The following NEBL variants were observed in gnomAD, a reference collection of about 807,000 sequenced individuals.
NEBL encodes LIM and SH3 protein 2.
In NEBL, 122 loss-of-function variants were observed where a neutral mutation model predicts 140.2. That is an observed-to-expected ratio of 0.87 (90% CI 0.75 to 1.01). The LOEUF is 1.01. NEBL is among the 50% of genes least tolerant of loss of function. NEBL has a pLI of 0.00. For missense variants in NEBL, 1,365 were observed against 1,231.3 expected (o/e 1.11, Z -1.62); for synonymous variants, 436 against 398.9 (o/e 1.09, Z -1.11).
chr10:21,225,067 C>A (rs1842125561), intron 3 of NEBL, among the ~76,000 whole-genome samples: 1 of 152,160 alleles, frequency 6.6e-6, no homozygotes, highest in South Asian at 2.1e-4. Context: ...AATGGGAATC[C>A]TTGTCATGTT....
At chr10:21,044,172 G>A (rs1245636892) in intron 2 of NEBL, among the ~76,000 whole-genome samples, 2 of 152,024 alleles carry the variant, frequency 1.3e-5, no homozygotes, top group Non-Finnish European at 1.5e-5. Flanking sequence ...CAAGGCGGGC[G>A]GATCACCTGA....
chr10:20,826,985 G>T (rs1322190795), intron 17 of NEBL, among the ~76,000 whole-genome samples: 1 of 152,144 alleles, frequency 6.6e-6, no homozygotes, highest in Non-Finnish European at 1.5e-5. Context: ...TCTCTTCCAA[G>T]AAAATGTTAG....
intron 2 of NEBL, among the ~76,000 whole-genome samples, chr10:21,250,649 G>A (rs746159873): frequency 2.8e-4 from 42 of 151,730 alleles, no homozygotes; most frequent in Admixed American, 7.2e-4. Flanking sequence ...GGTGGTTCAC[G>A]CCTGTAATCC....
intron 20 of NEBL, among the ~76,000 whole-genome samples, chr10:20,817,957 G>C (rs561973225): frequency 6.6e-6 from 1 of 152,228 alleles, no homozygotes; most frequent in Admixed American, 6.5e-5. Context: ...ACAAATAAAA[G>C]TAATGGAATC....
intron 1 of NEBL, among the ~76,000 whole-genome samples, chr10:21,256,125 T>A (rs1198573029): frequency 1.3e-5 from 2 of 152,178 alleles, no homozygotes; most frequent in African/African-American, 4.8e-5. Context: ...TGCAGTGCAG[T>A]GTCACAATCT....
At chr10:21,062,482 G>C (rs1201497350) in intron 2 of NEBL, among the ~76,000 whole-genome samples, 1 of 151,706 alleles carries the variant, frequency 6.6e-6, no homozygotes, top group African/African-American at 2.4e-5. Context: ...GCAACATAGA[G>C]AAACCCTGTC....
At chr10:21,081,130 C>T (rs1836350461) in intron 2 of NEBL, among the ~76,000 whole-genome samples, 1 of 152,220 alleles carries the variant, frequency 6.6e-6, no homozygotes, top group Non-Finnish European at 1.5e-5. Context: ...GCTGGGAATA[C>T]AGGCATGAGC....
At chr10:20,969,083 G>A (rs1362905132) in intron 3 of NEBL, among the ~76,000 whole-genome samples, 3 of 152,050 alleles carry the variant, frequency 2.0e-5, no homozygotes, top group East Asian at 1.9e-4. Flanking sequence ...AGTTTTGTAC[G>A]TTTAAGGTCT....
At chr10:20,856,431 A>G (rs1266114055) in intron 9 of NEBL, among the ~76,000 whole-genome samples, 1 of 152,192 alleles carries the variant, frequency 6.6e-6, no homozygotes, top group Non-Finnish European at 1.5e-5. Flanking sequence ...ATGAATCCCC[A>G]TGTCCCTAGG....
chr10:21,262,228 G>A (rs1223979811), intron 1 of NEBL, among the ~76,000 whole-genome samples: 2 of 152,296 alleles, frequency 1.3e-5, no homozygotes, highest in East Asian at 1.9e-4. Context: ...AATGAAGGAC[G>A]CTGGCCTGAG....
At chr10:21,189,620 G>A (rs142935562) in intron 3 of NEBL, among the ~76,000 whole-genome samples, 2,259 of 151,584 alleles carry the variant, frequency 0.015, 58 homozygotes, top group African/African-American at 0.052. Flanking sequence ...GCCCGCCACC[G>A]CGCCCAGCTA....
intron 3 of NEBL, among the ~76,000 whole-genome samples, chr10:21,009,478 T>C (rs1204698668): frequency 2.6e-5 from 4 of 152,200 alleles, no homozygotes; most frequent in African/African-American, 9.6e-5. Context: ...CAAATTTGTG[T>C]TGCCTTAATT....
chr10:21,255,134 C>T (rs1842639680), intron 1 of NEBL, among the ~76,000 whole-genome samples: 1 of 152,178 alleles, frequency 6.6e-6, no homozygotes, highest in Non-Finnish European at 1.5e-5. Flanking sequence ...GGAGCTTCAT[C>T]CACACCAGTC....
At chr10:20,983,133 C>T (rs1351911716) in intron 3 of NEBL, among the ~76,000 whole-genome samples, 1 of 152,108 alleles carries the variant, frequency 6.6e-6, no homozygotes, top group African/African-American at 2.4e-5. Flanking sequence ...CATGGTGAGA[C>T]CTTAGCAGCT....
chr10:21,229,028 T>C lies in NEBL; in HGVS notation n.348+18893A>G, dbSNP rs534815739. 1.5e-4 allele frequency among the ~76,000 whole-genome samples: 23 copies of C among 151,772 alleles called. 1 individual carries two copies. Among genetic ancestry groups the C allele is most frequent in the Admixed American group, 3.9e-4 (6 of 15,258 alleles). ...AGCTCCCACCAACCCATAGTGGACA[T>C]AGAGTGTAAGTGGGAAAAAAAAAAA... On this transcript the variant is annotated intron_variant and non_coding_transcript_variant, in intron 3 of 8. Coordinates refer to the NEBL transcript ENST00000675702.
intron 2 of NEBL, among the ~76,000 whole-genome samples, chr10:21,039,792 C>G (rs886320865): frequency 6.6e-6 from 1 of 152,142 alleles, no homozygotes; most frequent in African/African-American, 2.4e-5. Context: ...CTAATATATT[C>G]CTTTTTTCTT....
At chr10:21,185,648 C>G (rs1027948403) in intron 3 of NEBL, among the ~76,000 whole-genome samples, 10 of 151,752 alleles carry the variant, frequency 6.6e-5, no homozygotes, top group African/African-American at 2.4e-4. Context: ...ACAGGCATGC[C>G]ACCACACCTG....
rs575857893 is a variant in NEBL, at chr10:20,795,273, C to T, written c.2762-7965G>A. ...GTAAAGAAAAATGAGTTTAAATGCA[C>T]AGGATATGTGCCAGCCAGGCTTGTT... is the stretch of plus-strand genomic sequence containing the variant. On this transcript the variant is annotated intron_variant, in intron 26 of 27. Coordinates refer to ENST00000377122, the MANE Select transcript of NEBL (RefSeq NM_006393.3). 2.6e-5 allele frequency among the ~76,000 whole-genome samples: 4 copies of T among 152,202 alleles called. No homozygotes were observed. The South Asian group carries it at 8.3e-4, about 32-fold the overall frequency.
intron 7 of NEBL, among the ~76,000 whole-genome samples, chr10:20,860,561 C>CAAAAA (rs879306514): frequency 0.017 from 1,031 of 61,104 alleles, 153 homozygotes; most frequent in Non-Finnish European, 0.018. Context: ...AAGTTCACTA[C>CAAAAA]AAAAAGAAAA....
Sources: gnomAD v4.1 joint callset for allele counts (sites outside exome capture counted in the v4.1 genomes callset) on GRCh38, gnomAD v4.1.1 for gene constraint, MANE v1.5 for transcripts, NCBI Gene and HGNC (gene_info 2026-07-23, HGNC 2026-07-21) for gene names.